The following PGPEP1L variants were observed in gnomAD, a reference collection of about 807,000 sequenced individuals.
The protein encoded by PGPEP1L is pyroglutamyl-peptidase I like, also known as pyroglutamyl-peptidase 1-like protein.
In PGPEP1L, 7 loss-of-function variants were observed where a neutral mutation model predicts 6.0. That is an observed-to-expected ratio of 1.17 (90% CI 0.66 to 2.19). PGPEP1L has a LOEUF of 2.19. Ranked by LOEUF, PGPEP1L falls within the 30% of genes most tolerant of loss-of-function variation. The pLI is 0.00. For missense variants in PGPEP1L, 209 were observed against 192.5 expected, an observed-to-expected ratio of 1.09 and a Z score of -0.51; for synonymous variants, 103 against 83.9, an observed-to-expected ratio of 1.23 and a Z score of -1.24.
chr15:98,980,890 C>T (rs544185086), intron 2 of PGPEP1L, among the ~76,000 whole-genome samples: 1 of 152,046 alleles, frequency 6.6e-6, no homozygotes, highest in East Asian at 1.9e-4. Context: ...CAAGATCACC[C>T]CCACTGCACA....
chr15:98,970,889 C>T, intron 3 of PGPEP1L, 147 bp downstream of exon 3: 3 of 1,184,486 alleles, frequency 2.5e-6, no homozygotes, highest in South Asian at 3.2e-5. Flanking sequence ...CAGAACCTTA[C>T]ACAATCAGCT....
At position 98,993,915 on chromosome 15, in the gene PGPEP1L, T is replaced by C. The variant is rs372240835; in HGVS notation, c.-142+11514A>G. Among the ~76,000 whole-genome samples the C allele has an allele frequency of 5.1e-4, 77 of 152,212 alleles. 1 individual carries two copies. The highest frequency in any genetic ancestry group is 1.8e-3 in the African/African-American group (76 of 41,544). On this transcript the variant is annotated intron_variant, in intron 2 of 4. Transcript: ENST00000535714. ...TTGAAATTTTGCCATACATATATAATTTAACAAAGTCTAAAGCTGATATCT... is the reference window on the plus strand; with the variant it reads ...TTGAAATTTTGCCATACATATATAACTTAACAAAGTCTAAAGCTGATATCT...
chr15:98,971,442 C>T (rs1048779018), intron 2 of PGPEP1L, among the ~76,000 whole-genome samples: 8 of 151,798 alleles, frequency 5.3e-5, no homozygotes, highest in East Asian at 3.9e-4. Flanking sequence ...TGCAGTGAGC[C>T]GAAATAGTAC....
At chr15:99,006,421 CCT>C (rs1443580599) in intron 1 of PGPEP1L, among the ~76,000 whole-genome samples, 2 of 152,248 alleles carry the variant, frequency 1.3e-5, no homozygotes, top group African/African-American at 4.8e-5. Flanking sequence ...TGCAGACAGT[CCT>C]CTTTTTAATG....
At chr15:99,006,739 C>T (rs1484244010) in intron 1 of PGPEP1L, among the ~76,000 whole-genome samples, 4 of 152,178 alleles carry the variant, frequency 2.6e-5, no homozygotes, top group Non-Finnish European at 4.4e-5. Flanking sequence ...TCACTTGAGC[C>T]GTCAGTCGTA....
chr15:98,988,626 T>G (rs539499370), intron 2 of PGPEP1L, among the ~76,000 whole-genome samples: 1 of 151,976 alleles, frequency 6.6e-6, no homozygotes, highest in Admixed American at 6.6e-5. Context: ...CTCCCAGCAG[T>G]GTCTGATCTT....
intron 2 of PGPEP1L, among the ~76,000 whole-genome samples, chr15:98,973,046 A>C (rs2017521712): frequency 6.6e-6 from 1 of 152,226 alleles, no homozygotes; most frequent in Non-Finnish European, 1.5e-5. Context: ...ACCAAAAAAC[A>C]GCAGGAGTAG....
intron 2 of PGPEP1L, among the ~76,000 whole-genome samples, chr15:98,995,095 G>A (rs1042870747): frequency 6.6e-6 from 1 of 151,930 alleles, no homozygotes; most frequent in Non-Finnish European, 1.5e-5. Context: ...ATCACTTCTG[G>A]AATATTCTCA....
intron 2 of PGPEP1L, among the ~76,000 whole-genome samples, chr15:99,000,158 C>T (rs1046907644): frequency 6.6e-6 from 1 of 152,258 alleles, no homozygotes; most frequent in Admixed American, 6.5e-5. Context: ...CGGCCAGCCC[C>T]GCCGGCCCCA....
intron 1 of PGPEP1L, among the ~76,000 whole-genome samples, chr15:99,005,863 G>A (rs2018049566): frequency 1.3e-5 from 2 of 152,172 alleles, no homozygotes; most frequent in African/African-American, 2.4e-5. Flanking sequence ...ACACCACATG[G>A]TGCTCAAAGA....
At chr15:99,006,117 A>C (rs1213856625) in intron 1 of PGPEP1L, among the ~76,000 whole-genome samples, 7 of 152,216 alleles carry the variant, frequency 4.6e-5, no homozygotes, top group African/African-American at 1.4e-4. Context: ...ACCGCTGCCT[A>C]GGAGCTGTGG....
At chr15:99,001,742 G>C (rs565704176) in intron 2 of PGPEP1L, among the ~76,000 whole-genome samples, 20 of 152,160 alleles carry the variant, frequency 1.3e-4, no homozygotes, top group Non-Finnish European at 2.1e-4. Context: ...TTTTGAGACA[G>C]AGTCTCACCC....
At chr15:98,969,346 C>G in intron 4 of PGPEP1L, 79 bp downstream of exon 4, 6 of 1,567,600 alleles carry the variant, frequency 3.8e-6, no homozygotes, top group Non-Finnish European at 5.3e-6. Flanking sequence ...TACAGGATGG[C>G]TTCTTGGAGG....
At chr15:98,974,600 A>G (rs1482480001) in intron 2 of PGPEP1L, among the ~76,000 whole-genome samples, 1 of 152,118 alleles carries the variant, frequency 6.6e-6, no homozygotes, top group Non-Finnish European at 1.5e-5. Flanking sequence ...CAACTATTCT[A>G]AAAAATTAAT....
intron 2 of PGPEP1L, among the ~76,000 whole-genome samples, chr15:98,977,981 G>T (rs2017594402): frequency 6.6e-6 from 1 of 152,192 alleles, no homozygotes; most frequent in African/African-American, 2.4e-5. Flanking sequence ...GCTCTCAAGG[G>T]AGGTAAAGGT....
intron 2 of PGPEP1L, among the ~76,000 whole-genome samples, chr15:98,998,591 T>C (rs1351402846): frequency 6.6e-6 from 1 of 152,160 alleles, no homozygotes; most frequent in Admixed American, 6.5e-5. Flanking sequence ...GTTAGAACAA[T>C]TAGACACTAA....
chr15:98,986,211 C>G (rs1555471475), intron 2 of PGPEP1L, among the ~76,000 whole-genome samples: 1 of 152,152 alleles, frequency 6.6e-6, no homozygotes, highest in African/African-American at 2.4e-5. Flanking sequence ...ATAGAAGTGT[C>G]TTTCATGGGA....
chr15:98,996,469 G>C (rs1215850012), intron 2 of PGPEP1L, among the ~76,000 whole-genome samples: 2 of 152,106 alleles, frequency 1.3e-5, no homozygotes, highest in African/African-American at 2.4e-5. Flanking sequence ...TGAAGCTCTT[G>C]GTATGTGTAT....
At chr15:99,000,985 A>G (rs2151766386) in intron 2 of PGPEP1L, among the ~76,000 whole-genome samples, 1 of 152,242 alleles carries the variant, frequency 6.6e-6, no homozygotes, top group East Asian at 1.9e-4. Context: ...TCCTGAAACC[A>G]GCGAGACCAC....
Sources: gnomAD v4.1 joint callset for allele counts (sites outside exome capture counted in the v4.1 genomes callset) on GRCh38, gnomAD v4.1.1 for gene constraint, MANE v1.5 for transcripts, NCBI Gene and HGNC (gene_info 2026-07-23, HGNC 2026-07-21) for gene names.